The following CDH12 variants were observed in gnomAD, a reference collection of about 807,000 sequenced individuals.
The protein encoded by CDH12 is cadherin-12.
CDH12 carries 41 observed loss-of-function variants against 74.1 expected under a neutral mutation model. The observed-to-expected ratio is 0.55, with a 90% confidence interval of 0.43 to 0.72. The LOEUF (loss-of-function observed/expected upper bound fraction) is 0.72, where lower values mean the gene tolerates loss of function less well. CDH12 is among the 30% of genes least tolerant of loss of function. CDH12 has a pLI of 0.00. For missense variants in CDH12, 945 were observed against 977.2 expected, an observed-to-expected ratio of 0.97 and a Z score of 0.44; for synonymous variants, 399 against 355.0, an observed-to-expected ratio of 1.12 and a Z score of -1.39.
intron 3 of CDH12, among the ~76,000 whole-genome samples, chr5:22,255,828 AT>A (rs1422052081): frequency 6.6e-6 from 1 of 152,040 alleles, no homozygotes; most frequent in Non-Finnish European, 1.5e-5. Flanking sequence ...TTATACTGAT[AT>A]AACATCAGTA....
At chr5:22,791,250 A>G (rs1221924149) in intron 1 of CDH12, among the ~76,000 whole-genome samples, 1 of 152,188 alleles carries the variant, frequency 6.6e-6, no homozygotes, top group Non-Finnish European at 1.5e-5. Flanking sequence ...CAGGAAGGGT[A>G]TAAGAGCAGA....
At chr5:22,796,535 T>C (rs1301434387) in intron 1 of CDH12, among the ~76,000 whole-genome samples, 1 of 96,022 alleles carries the variant, frequency 1.0e-5, no homozygotes. Flanking sequence ...TTTTTTTTTT[T>C]TTGAGACGGA....
At chr5:22,261,858 T>C (rs986780692) in intron 3 of CDH12, among the ~76,000 whole-genome samples, 4 of 151,278 alleles carry the variant, frequency 2.6e-5, no homozygotes, top group African/African-American at 9.7e-5. Flanking sequence ...ATATAATAAA[T>C]AGCCTTCATG....
chr5:21,979,546 T>C (rs1757217059), intron 5 of CDH12, among the ~76,000 whole-genome samples: 1 of 152,208 alleles, frequency 6.6e-6, no homozygotes, highest in Admixed American at 6.5e-5. Flanking sequence ...AGCATCTCTC[T>C]GATTATATTT....
chr5:22,698,821 C>T (rs1044216802), intron 1 of CDH12, among the ~76,000 whole-genome samples: 1 of 143,830 alleles, frequency 7.0e-6, no homozygotes, highest in Admixed American at 7.1e-5. Context: ...GGCAGTTCAA[C>T]AATAAAAACT....
At chr5:22,591,009 C>T (rs547721694) in intron 1 of CDH12, among the ~76,000 whole-genome samples, 48 of 152,158 alleles carry the variant, frequency 3.2e-4, no homozygotes, top group East Asian at 2.9e-3. Flanking sequence ...TTGAGATGTG[C>T]GCCTGTAACT....
chr5:21,921,505 CTATA>C (rs1277824042), intron 6 of CDH12, among the ~76,000 whole-genome samples: 1 of 152,136 alleles, frequency 6.6e-6, no homozygotes, highest in African/African-American at 2.4e-5. Flanking sequence ...CTAACCCAAA[CTATA>C]TAGGGCTTGA....
intron 1 of CDH12, among the ~76,000 whole-genome samples, chr5:22,757,033 C>T (rs578233633): frequency 6.6e-6 from 1 of 152,044 alleles, no homozygotes; most frequent in South Asian, 2.1e-4. Context: ...TAATATCTAC[C>T]CTCTACTTCC....
intron 2 of CDH12, among the ~76,000 whole-genome samples, chr5:22,441,579 T>C (rs763351005): frequency 2.6e-5 from 4 of 152,180 alleles, no homozygotes; most frequent in Non-Finnish European, 4.4e-5. Flanking sequence ...AACATTTCCA[T>C]TTTCTAAATC....
chr5:21,831,891 A>G (rs888815923), intron 8 of CDH12, among the ~76,000 whole-genome samples: 2 of 152,108 alleles, frequency 1.3e-5, no homozygotes, highest in African/African-American at 4.8e-5. Flanking sequence ...ACTACATAAC[A>G]CTACATTATT....
At chr5:21,824,421 A>G (rs1190925787) in intron 8 of CDH12, among the ~76,000 whole-genome samples, 1 of 152,102 alleles carries the variant, frequency 6.6e-6, no homozygotes, top group Non-Finnish European at 1.5e-5. Context: ...CTCAGCCTCC[A>G]GATTTCAGGC....
chr5:22,476,026 C>T (rs1441970076), intron 2 of CDH12, among the ~76,000 whole-genome samples: 3 of 151,928 alleles, frequency 2.0e-5, no homozygotes, highest in African/African-American at 7.2e-5. Flanking sequence ...TAAGCATTCA[C>T]CTGTATAATT....
intron 3 of CDH12, among the ~76,000 whole-genome samples, chr5:22,363,057 T>C (rs1359175774): frequency 6.6e-6 from 1 of 151,990 alleles, no homozygotes; most frequent in Non-Finnish European, 1.5e-5. Context: ...ATTGTGCACA[T>C]GTACCCTAGA....
intron 8 of CDH12, among the ~76,000 whole-genome samples, chr5:21,825,921 G>A (rs1748645392): frequency 1.3e-5 from 2 of 152,150 alleles, no homozygotes; most frequent in Non-Finnish European, 2.9e-5. Context: ...TTGCATTTTG[G>A]TATCATCTGG....
chr5:22,200,328 TC>T (rs1381261677), intron 4 of CDH12, among the ~76,000 whole-genome samples: 1 of 152,082 alleles, frequency 6.6e-6, no homozygotes, highest in African/African-American at 2.4e-5. Context: ...TTAGTGTAGC[TC>T]CCCTATACTA....
At chr5:22,694,036 C>A (rs1397571039) in intron 1 of CDH12, among the ~76,000 whole-genome samples, 1 of 152,030 alleles carries the variant, frequency 6.6e-6, no homozygotes, top group African/African-American at 2.4e-5. Flanking sequence ...AACTACAGGG[C>A]TCAAGCTATC....
chr5:21,802,546 T>C, intron 9 of CDH12, 126 bp from the exon 10 acceptor site: 1 of 760,702 alleles, frequency 1.3e-6, no homozygotes, highest in Non-Finnish European at 2.1e-6. Flanking sequence ...TTCATTTTTC[T>C]TAATAACTAG....
intron 14 of CDH12, among the ~76,000 whole-genome samples, chr5:21,754,616 A>T (rs375874819): frequency 3.9e-5 from 6 of 152,276 alleles, no homozygotes; most frequent in Non-Finnish European, 1.5e-5. Context: ...AGTGCTCTCC[A>T]CAAGCTACCA....
At chr5:22,482,580 C>T (rs900980008) in intron 2 of CDH12, among the ~76,000 whole-genome samples, 1 of 152,104 alleles carries the variant, frequency 6.6e-6, no homozygotes, top group African/African-American at 2.4e-5. Context: ...TAATTTTCCA[C>T]ATTTTATAAG....
Sources: allele counts gnomAD v4.1 joint callset (sites outside exome capture counted in the v4.1 genomes callset), GRCh38; gene constraint gnomAD v4.1.1; transcripts MANE v1.5; gene names NCBI Gene and HGNC (gene_info 2026-07-23, HGNC 2026-07-21).